RELN: variants seen among roughly 807,000 people sequenced by gnomAD.
RELN encodes the protein reelin.
RELN carries 108 observed loss-of-function variants against 427.6 expected under a neutral mutation model. That is an observed-to-expected ratio of 0.25 (90% CI 0.22 to 0.30). RELN has a LOEUF of 0.30. RELN is among the 10% of genes least tolerant of loss of function. RELN has a pLI of 1.00. For missense variants in RELN, 3,715 were observed against 4,302.8 expected (o/e 0.86, Z 3.82); for synonymous variants, 1,524 against 1,513.4 (o/e 1.01, Z -0.16).
chr7:103,651,239 G>A (rs191874291), intron 15 of RELN, among the ~76,000 whole-genome samples: 12 of 151,780 alleles, frequency 7.9e-5, no homozygotes, highest in Admixed American at 6.6e-4. Context: ...CCCCCAATGA[G>A]GTATATTAAA....
chr7:103,909,422 C>A (rs961567181), intron 2 of RELN, among the ~76,000 whole-genome samples: 1 of 150,960 alleles, frequency 6.6e-6, no homozygotes, highest in Non-Finnish European at 1.5e-5. Context: ...TAATGAAGTA[C>A]AATTTTTATT....
At chr7:103,696,087 C>T (rs1436983041) in intron 10 of RELN, among the ~76,000 whole-genome samples, 1 of 152,036 alleles carries the variant, frequency 6.6e-6, no homozygotes, top group Non-Finnish European at 1.5e-5. Flanking sequence ...GTGCTCAACT[C>T]TATTATTAAA....
intron 64 of RELN, among the ~76,000 whole-genome samples, chr7:103,474,042 G>A (rs747159393): frequency 1.2e-4 from 18 of 152,094 alleles, no homozygotes; most frequent in Non-Finnish European, 2.2e-4. Context: ...AGCAGTATAA[G>A]CTGCATTATC....
chr7:103,929,213 T>G (rs1243018607), intron 1 of RELN, among the ~76,000 whole-genome samples: 2 of 152,168 alleles, frequency 1.3e-5, no homozygotes, highest in African/African-American at 4.8e-5. Flanking sequence ...TGAGAAATAG[T>G]GGTCAGTGAT....
Position 103,978,125 on chromosome 7 carries a change from A to G in RELN, c.226+11006T>C, listed in dbSNP as rs887657237. Among the ~76,000 whole-genome samples, 21 of 152,212 alleles carry G rather than the reference A, an allele frequency of 1.4e-4. 1 individual carries two copies. Among genetic ancestry groups the G allele is most frequent in the Admixed American group, 1.2e-3 (19 of 15,272 alleles). On this transcript the variant is annotated intron_variant, in intron 1 of 64. Coordinates refer to ENST00000428762, the MANE Select transcript of RELN (RefSeq NM_005045.4). ...GAGATTAAACATCTTGATAAGAAGT[A>G]TATGTTGTTATTAACTAGTCACCAT... is the stretch of plus-strand genomic sequence containing the variant.
At chr7:103,500,945 G>A in intron 52 of RELN, 23 bp from the exon 53 acceptor site, 3 of 1,613,156 alleles carry the variant, frequency 1.9e-6, no homozygotes, top group Non-Finnish European at 2.5e-6. Flanking sequence ...CAAAAGCAAA[G>A]GAGTGAAAAA....
intron 3 of RELN, among the ~76,000 whole-genome samples, chr7:103,828,708 A>G (rs1793202936): frequency 6.6e-6 from 1 of 151,970 alleles, no homozygotes; most frequent in South Asian, 2.1e-4. Flanking sequence ...TATCATACAT[A>G]TCAAGATCAA....
At chr7:103,687,032 G>GT (rs1554402657) in intron 10 of RELN, among the ~76,000 whole-genome samples, 9 of 151,834 alleles carry the variant, frequency 5.9e-5, no homozygotes, top group East Asian at 3.9e-4. Context: ...CTTAAGGAGT[G>GT]TTTTTTTTCT....
chr7:103,591,647 GT>G, intron 27 of RELN, among the ~76,000 whole-genome samples: 1 of 152,262 alleles, frequency 6.6e-6, no homozygotes, highest in South Asian at 2.1e-4. Flanking sequence ...TTTGGTTGGT[GT>G]GTGGTGAGAG....
chr7:103,892,744 T>C (rs939499776), intron 2 of RELN, among the ~76,000 whole-genome samples: 4 of 152,184 alleles, frequency 2.6e-5, no homozygotes, highest in African/African-American at 9.7e-5. Context: ...TACTTTAACA[T>C]ACACTTTTAT....
In RELN at chr7:103,610,686, T is replaced by C. The variant is rs370615329; in HGVS notation, c.3008+9A>G. The C allele has an allele frequency of 1.9e-5, 25 of 1,333,104 alleles. No homozygotes were observed. The highest frequency in any genetic ancestry group is 2.6e-5 in the Non-Finnish European group (24 of 924,308). 82.6% of individuals were successfully genotyped at this position (1,333,104 alleles called of 1,614,324 possible). The stretch of plus-strand genomic sequence containing the variant: ...AAAGTGACAGCCATATCTAAAGATG[T>C]CATCTCACCAAGTTTTCTGGGGAAG... On this transcript the variant is annotated intron_variant, in intron 22 of 64. Coordinates refer to ENST00000428762, the MANE Select transcript of RELN (RefSeq NM_005045.4).
chr7:103,549,467 T>C (rs7458149), intron 41 of RELN, among the ~76,000 whole-genome samples: 4,777 of 152,302 alleles, frequency 0.031, 259 homozygotes, highest in African/African-American at 0.11. Context: ...TTGAGACATG[T>C]GAATTTCAAC....
intron 11 of RELN, among the ~76,000 whole-genome samples, chr7:103,666,777 C>A (rs757762781): frequency 6.6e-6 from 1 of 152,040 alleles, no homozygotes; most frequent in Non-Finnish European, 1.5e-5. Context: ...GTGAATTTCA[C>A]ATTTGTTTGG....
chr7:103,749,569 G>C (rs1003048020), intron 5 of RELN, 65 bp from the exon 6 acceptor site: 2 of 1,099,040 alleles, frequency 1.8e-6, no homozygotes, highest in Admixed American at 3.4e-5. Context: ...CTAAACACAA[G>C]TGCCAACATG....
intron 40 of RELN, among the ~76,000 whole-genome samples, 197 bp downstream of exon 40, chr7:103,553,264 G>A (rs1417232655): frequency 6.6e-6 from 1 of 152,096 alleles, no homozygotes; most frequent in Non-Finnish European, 1.5e-5. Flanking sequence ...CATCATAAAG[G>A]ATAATAATTC....
chr7:103,900,099 G>T (rs1270185140), intron 2 of RELN, among the ~76,000 whole-genome samples: 1 of 152,166 alleles, frequency 6.6e-6, no homozygotes, highest in African/African-American at 2.4e-5. Context: ...CTTCAGCAAA[G>T]TCTCAGGATA....
Position 103,723,153 on chromosome 7 carries a change from G to A in RELN, c.792C>T (p.Leu264=). The change falls in exon 8 of 65, where the codon CTC becomes CTT. Residue 264 remains leucine, a synonymous_variant. Transcript: ENST00000428762. Reference sequence around the variant, plus strand: ...AAAAACACTTACCAATGGAAAATTGGAGGACAGAAGCTGTTGTTGTATTAA... The same window carrying A: ...AAAAACACTTACCAATGGAAAATTGAAGGACAGAAGCTGTTGTTGTATTAA... ...TGLNTTTASV[L]QFSIGSGSCR... is the part of the protein sequence containing the mutation. 2.5e-6 allele frequency: 4 copies of A among 1,597,114 alleles called. No individual in the cohort carries two copies. Among genetic ancestry groups the A allele is most frequent in the Non-Finnish European group, 1.7e-6 (2 of 1,165,008 alleles).
At chr7:103,570,110 G>A (rs1830847169) in intron 31 of RELN, among the ~76,000 whole-genome samples, 1 of 152,172 alleles carries the variant, frequency 6.6e-6, no homozygotes, top group Non-Finnish European at 1.5e-5. Context: ...TACACGGCCG[G>A]CACTGAGTTT....
At chr7:103,556,718 T>C (rs1042044285) in intron 38 of RELN, among the ~76,000 whole-genome samples, 1 of 152,144 alleles carries the variant, frequency 6.6e-6, no homozygotes, top group East Asian at 1.9e-4. Context: ...GCCTTTTGCC[T>C]CCCGCCACGA....
Sources: allele counts gnomAD v4.1 joint callset (sites outside exome capture counted in the v4.1 genomes callset), GRCh38; gene constraint gnomAD v4.1.1; transcripts MANE v1.5; gene names NCBI Gene and HGNC (gene_info 2026-07-23, HGNC 2026-07-21).